UBE2D2: variants seen among roughly 807,000 people sequenced by gnomAD.
The protein encoded by UBE2D2 is ubiquitin-conjugating enzyme E2 D2.
A neutral mutation model predicts 24.2 loss-of-function variants in UBE2D2; 2 were observed. The observed-to-expected ratio is 0.08, with a 90% CI of 0.03 to 0.26. UBE2D2 has a LOEUF of 0.26. Among genes scored for constraint, UBE2D2 ranks in the 10% least tolerant of loss-of-function variants. The pLI is 1.00. For synonymous variants in UBE2D2, 58 were observed against 56.5 expected, an observed-to-expected ratio of 1.03 and a Z score of -0.12; for missense variants, 44 against 177.6, an observed-to-expected ratio of 0.25 and a Z score of 4.28.
chr5:139,614,660 T>G lies in UBE2D2; in HGVS notation c.121-37T>G, dbSNP rs749168518. ...TTTCAGAATAAACAGTTTATGTAAT[T>G]TACTCATTTTAATCCCACTTTTCTT... On this transcript the variant is annotated intron_variant, in intron 3 of 6. Coordinates refer to ENST00000398733, the MANE Select transcript of UBE2D2 (RefSeq NM_003339.3). 11 of 1,613,834 alleles carry G rather than the reference T, an allele frequency of 6.8e-6. No individual in the cohort carries two copies. The South Asian group carries it at 8.8e-5, about 13-fold the overall frequency.
chr5:139,609,849 G>A (rs1258401400), intron 2 of UBE2D2, among the ~76,000 whole-genome samples: 2 of 146,832 alleles, frequency 1.4e-5, no homozygotes, highest in African/African-American at 5.0e-5. Context: ...TCAGCTCACT[G>A]CAACCTCCGC....
intron 1 of UBE2D2, among the ~76,000 whole-genome samples, chr5:139,566,637 T>C (rs1753226378): frequency 6.6e-6 from 1 of 152,072 alleles, no homozygotes. Context: ...ATCAAGCCGC[T>C]ACACTCCAGC....
intron 1 of UBE2D2, among the ~76,000 whole-genome samples, chr5:139,548,966 A>C (rs554501203): frequency 1.3e-5 from 2 of 151,644 alleles, no homozygotes; most frequent in Non-Finnish European, 2.9e-5. Flanking sequence ...CTCCTGCCTC[A>C]GCCTCCTGAG....
At chr5:139,595,176 G>T (rs901479314) in intron 1 of UBE2D2, among the ~76,000 whole-genome samples, 6 of 152,072 alleles carry the variant, frequency 3.9e-5, no homozygotes, top group Admixed American at 6.6e-5. Context: ...TAATGTATAC[G>T]TTTAAAGCCA....
chr5:139,610,018 G>A (rs988239033), intron 2 of UBE2D2, among the ~76,000 whole-genome samples: 1 of 151,922 alleles, frequency 6.6e-6, no homozygotes, highest in Non-Finnish European at 1.5e-5. Context: ...TGATTCATCT[G>A]CCTCAGACTA....
At chr5:139,619,038 G>A (rs375502131) in intron 5 of UBE2D2, among the ~76,000 whole-genome samples, 1 of 152,178 alleles carries the variant, frequency 6.6e-6, no homozygotes, top group East Asian at 1.9e-4. Context: ...AAGCAGATAA[G>A]TGTGCCATAA....
intron 1 of UBE2D2, among the ~76,000 whole-genome samples, chr5:139,542,241 T>A (rs1752771037): frequency 6.6e-6 from 1 of 152,180 alleles, no homozygotes; most frequent in Non-Finnish European, 1.5e-5. Flanking sequence ...GTGATAGTTA[T>A]TCCTGGGAAG....
intron 1 of UBE2D2, among the ~76,000 whole-genome samples, chr5:139,592,359 C>G (rs896436345): frequency 1.3e-5 from 2 of 152,078 alleles, no homozygotes; most frequent in African/African-American, 4.8e-5. Context: ...CCTTTTATCT[C>G]TGATGCTTTT....
intron 1 of UBE2D2, among the ~76,000 whole-genome samples, chr5:139,549,684 C>G (rs1034465895): frequency 6.6e-6 from 1 of 152,226 alleles, no homozygotes; most frequent in Admixed American, 6.5e-5. Flanking sequence ...ACCCCCTGCT[C>G]CGCGGCGCCC....
chr5:139,548,106 G>T (rs1752856133), intron 1 of UBE2D2, among the ~76,000 whole-genome samples: 1 of 141,452 alleles, frequency 7.1e-6, no homozygotes. Context: ...CAAGGTTGCA[G>T]TGAGCTACAA....
At chr5:139,562,717 G>C (rs898491832) in intron 1 of UBE2D2, among the ~76,000 whole-genome samples, 3 of 152,064 alleles carry the variant, frequency 2.0e-5, no homozygotes, top group Non-Finnish European at 4.4e-5. Flanking sequence ...TTAAAGTGAA[G>C]GGTTATTTAG....
chr5:139,595,713 AAG>A (rs1241441651), intron 1 of UBE2D2, among the ~76,000 whole-genome samples: 6 of 152,294 alleles, frequency 3.9e-5, no homozygotes, highest in Admixed American at 2.0e-4. Context: ...TGGTTAAAAA[AAG>A]AAAAAGAAAA....
chr5:139,531,573 T>C (rs1752597129), intron 1 of UBE2D2, among the ~76,000 whole-genome samples: 1 of 149,096 alleles, frequency 6.7e-6, no homozygotes. Context: ...CAAGCTGAGA[T>C]TGCATCACAT....
chr5:139,561,737 G>T lies in UBE2D2; in HGVS notation c.-55G>T. 1 of 1,247,066 alleles carries T rather than the reference G, an allele frequency of 8.0e-7. No homozygotes were observed. The allele number at this position is 1,247,066 out of a possible 1,614,324, so 77.3% of individuals were successfully genotyped here. ...CCTCAGGCTCCCTAGCCCCTTCCCC[G>T]TCCCTTCCCCGCCCCCGTCCCCGCC... On this transcript the variant is annotated 5_prime_UTR_variant, in exon 1 of 7. Transcript: ENST00000398733.
At chr5:139,550,814 A>C (rs572549714) in intron 1 of UBE2D2, among the ~76,000 whole-genome samples, 6 of 152,238 alleles carry the variant, frequency 3.9e-5, no homozygotes, top group Admixed American at 3.3e-4. Context: ...AATCCACCAG[A>C]AGGAAGAAAC....
intron 1 of UBE2D2, among the ~76,000 whole-genome samples, chr5:139,592,447 C>T (rs1028088898): frequency 1.1e-4 from 17 of 152,146 alleles, no homozygotes; most frequent in African/African-American, 3.1e-4. Flanking sequence ...AGTTTGGCTC[C>T]ACCTCAGAGT....
chr5:139,606,961 C>T (rs1045606633), intron 2 of UBE2D2, among the ~76,000 whole-genome samples: 1 of 152,134 alleles, frequency 6.6e-6, no homozygotes, highest in Non-Finnish European at 1.5e-5. Context: ...CCTGCCACCA[C>T]GCCCAGCTAA....
At chr5:139,583,052 C>T (rs547671641) in intron 1 of UBE2D2, among the ~76,000 whole-genome samples, 170 of 151,616 alleles carry the variant, frequency 1.1e-3, no homozygotes, top group African/African-American at 3.9e-3. Flanking sequence ...TTGGCTCACT[C>T]CATCTTCCGC....
At chr5:139,572,362 G>C (rs1350610614) in intron 1 of UBE2D2, among the ~76,000 whole-genome samples, 1 of 152,198 alleles carries the variant, frequency 6.6e-6, no homozygotes, top group African/African-American at 2.4e-5. Flanking sequence ...ACTTTGGGAA[G>C]CCAAGGCAGG....
Sources: allele counts gnomAD v4.1 joint callset (sites outside exome capture counted in the v4.1 genomes callset), GRCh38; gene constraint gnomAD v4.1.1; transcripts MANE v1.5; gene names NCBI Gene and HGNC (gene_info 2026-07-23, HGNC 2026-07-21).